The following TMEFF1 variants were observed in gnomAD, a reference collection of about 807,000 sequenced individuals.
The protein encoded by TMEFF1 is tomoregulin-1.
A neutral mutation model predicts 47.5 loss-of-function variants in TMEFF1; 20 were observed. The ratio of observed to expected loss-of-function variants is 0.42; its 90% CI spans 0.30 to 0.61. The LOEUF (loss-of-function observed/expected upper bound fraction) is 0.61. Among genes scored for constraint, TMEFF1 ranks in the 20% least tolerant of loss-of-function variants. The pLI is 0.19. For missense variants in TMEFF1, 411 were observed against 471.1 expected, an observed-to-expected ratio of 0.87 and a Z score of 1.18; for synonymous variants, 162 against 166.3, an observed-to-expected ratio of 0.97 and a Z score of 0.20.
intron 1 of TMEFF1, among the ~76,000 whole-genome samples, chr9:100,476,986 G>A (rs1349976340): frequency 1.3e-5 from 2 of 152,098 alleles, no homozygotes. Context: ...GTGAGCCACC[G>A]CGCCCGGCCT....
Position 100,569,488 on chromosome 9 carries a change from T to TC in TMEFF1, c.900-3029dup, listed in dbSNP as rs1047419165. 4.6e-5 allele frequency among the ~76,000 whole-genome samples: 7 copies of TC among 152,152 alleles called. 1 individual carries two copies. Among genetic ancestry groups the TC allele is most frequent in the Admixed American group, 4.6e-4 (7 of 15,272 alleles). On this transcript the variant is annotated intron_variant, in intron 8 of 9. Coordinates refer to ENST00000374879, the MANE Select transcript of TMEFF1 (RefSeq NM_003692.5). ...CTTTTTTTTTCCATTTTGTGGCTTG[T>TC]CTTTTCACTTTCTTGATAATGTCCT...
At chr9:100,547,461 A>C (rs545207976) in intron 5 of TMEFF1, among the ~76,000 whole-genome samples, 1 of 152,308 alleles carries the variant, frequency 6.6e-6, no homozygotes, top group East Asian at 1.9e-4. Flanking sequence ...CCATTTTGCT[A>C]TTTAATTAAT....
Position 100,513,339 on chromosome 9 carries a change from T to A in TMEFF1, c.463+6T>A. 6.3e-7 allele frequency: 1 copy of A among 1,595,060 alleles called. No individual in the cohort carries two copies. Among genetic ancestry groups the A allele is most frequent in the Non-Finnish European group, 8.5e-7 (1 of 1,173,112 alleles). On this transcript the variant is annotated splice_donor_region_variant and intron_variant, in intron 4 of 9. Transcript: ENST00000374879. Reference sequence around the variant, plus strand: ...ATCTGGATCTGGAGAAGGAGGTAAGTTTCAAGTACCTCTTAAAGGATATTT... The same window carrying A: ...ATCTGGATCTGGAGAAGGAGGTAAGATTCAAGTACCTCTTAAAGGATATTT...
At chr9:100,483,647 G>C (rs932883648) in intron 1 of TMEFF1, among the ~76,000 whole-genome samples, 2 of 152,082 alleles carry the variant, frequency 1.3e-5, no homozygotes, top group African/African-American at 4.8e-5. Flanking sequence ...TTTTACTTAA[G>C]TTTACTTTAT....
intron 1 of TMEFF1, among the ~76,000 whole-genome samples, chr9:100,478,799 T>C (rs1208290939): frequency 6.6e-6 from 1 of 152,208 alleles, no homozygotes; most frequent in African/African-American, 2.4e-5. Flanking sequence ...GAAATGAAGA[T>C]GATGATGGTC....
chr9:100,488,241 A>G (rs1398444254), intron 1 of TMEFF1, among the ~76,000 whole-genome samples: 1 of 152,180 alleles, frequency 6.6e-6, no homozygotes, highest in Non-Finnish European at 1.5e-5. Flanking sequence ...TTTTTTCACA[A>G]TAGGTCTTAG....
At chr9:100,482,913 A>T (rs771104157) in intron 1 of TMEFF1, among the ~76,000 whole-genome samples, 4 of 152,076 alleles carry the variant, frequency 2.6e-5, no homozygotes, top group Non-Finnish European at 4.4e-5. Context: ...TTTGTATTTG[A>T]AACCTACCCT....
At chr9:100,536,009 G>A (rs1587843350) in intron 5 of TMEFF1, among the ~76,000 whole-genome samples, 1 of 152,132 alleles carries the variant, frequency 6.6e-6, no homozygotes, top group Middle Eastern at 3.4e-3. Flanking sequence ...ATTTAATATA[G>A]TAATTTGGAA....
intron 7 of TMEFF1, among the ~76,000 whole-genome samples, chr9:100,558,412 T>C (rs1838955940): frequency 6.6e-6 from 1 of 151,992 alleles, no homozygotes; most frequent in South Asian, 2.1e-4. Flanking sequence ...TATGGCCTGA[T>C]TGGGAATGTA....
intron 7 of TMEFF1, among the ~76,000 whole-genome samples, chr9:100,551,155 T>A (rs1414773761): frequency 6.6e-6 from 1 of 152,238 alleles, no homozygotes; most frequent in Non-Finnish European, 1.5e-5. Flanking sequence ...AGATATGTGA[T>A]CTATCTTTTA....
chr9:100,513,395 T>C, intron 4 of TMEFF1, 62 bp downstream of exon 4: 1 of 915,352 alleles, frequency 1.1e-6, no homozygotes, highest in Non-Finnish European at 1.5e-6. Context: ...TTCTTTTTCT[T>C]TTTTTTTTTT....
At chr9:100,513,951 A>C (rs186043026) in intron 4 of TMEFF1, among the ~76,000 whole-genome samples, 3 of 152,310 alleles carry the variant, frequency 2.0e-5, no homozygotes, top group Non-Finnish European at 4.4e-5. Flanking sequence ...TATATGAATT[A>C]TTTCTGTTGT....
In TMEFF1 at chr9:100,507,051, G is replaced by A. The variant is rs185595962; in HGVS notation, c.307-1954G>A. Among the ~76,000 whole-genome samples, 15 of 152,222 alleles carry A rather than the reference G, an allele frequency of 9.9e-5. No homozygotes were observed. In the East Asian group the frequency reaches 2.9e-3, roughly 29 times the overall value. Reference sequence around the variant, plus strand: ...TCTCCCCACTGTAGTAGTGTCCAGTGTCTGTTGTTCCCATCTTTATGTCCA... The same window carrying A: ...TCTCCCCACTGTAGTAGTGTCCAGTATCTGTTGTTCCCATCTTTATGTCCA... On this transcript the variant is annotated intron_variant, in intron 2 of 9. Coordinates refer to ENST00000374879, the MANE Select transcript of TMEFF1 (RefSeq NM_003692.5).
chr9:100,559,327 T>A (rs1469492736), intron 7 of TMEFF1, among the ~76,000 whole-genome samples: 2 of 152,150 alleles, frequency 1.3e-5, no homozygotes, highest in Non-Finnish European at 2.9e-5. Flanking sequence ...AGAATATGTT[T>A]TCATTTTTGT....
intron 5 of TMEFF1, among the ~76,000 whole-genome samples, chr9:100,542,337 C>T (rs1838649046): frequency 6.6e-6 from 1 of 152,140 alleles, no homozygotes; most frequent in Non-Finnish European, 1.5e-5. Flanking sequence ...CCACACAGAG[C>T]ACTGTTGTTC....
rs552654914 is a variant in TMEFF1, at chr9:100,486,540, C to T, written c.197-12225C>T. On this transcript the variant is annotated intron_variant, in intron 1 of 9. Coordinates refer to ENST00000374879, the MANE Select transcript of TMEFF1 (RefSeq NM_003692.5). ...TACAGGCGTGAGCCACAGCACCCGG[C>T]CTGAACTTTTAAAAAAATATTCATG... is the stretch of plus-strand genomic sequence containing the variant. Among the ~76,000 whole-genome samples, 221 of 152,300 alleles carry T rather than the reference C, an allele frequency of 1.5e-3. 1 individual carries two copies. The highest frequency in any genetic ancestry group is 5.1e-3 in the African/African-American group (214 of 41,568).
At chr9:100,479,013 T>C (rs1257112487) in intron 1 of TMEFF1, among the ~76,000 whole-genome samples, 3 of 152,172 alleles carry the variant, frequency 2.0e-5, no homozygotes, top group Non-Finnish European at 4.4e-5. Context: ...GTAGGAATGG[T>C]ATTAATGGAC....
chr9:100,516,865 C>T (rs915195507), intron 5 of TMEFF1, 94 bp downstream of exon 5: 51 of 1,431,580 alleles, frequency 3.6e-5, no homozygotes, highest in South Asian at 1.4e-4. Flanking sequence ...GGTTCTGTAT[C>T]TTTTGTGTGT....
chr9:100,509,014 A>T lies in TMEFF1; in HGVS notation c.316A>T (p.Asn106Tyr), dbSNP rs779453784. The change falls in exon 3 of 10, where the codon AAT becomes TAT. Residue 106 changes from asparagine to tyrosine, a missense_variant. Coordinates refer to ENST00000374879, the MANE Select transcript of TMEFF1 (RefSeq NM_003692.5). ...TTTGTTGCTTTTGCAGTGCCATACA[A>T]ATTATATTCCTGTCTGTGGATCAAA... ...KCACQFQCHT[N>Y]YIPVCGSNGD... 6.3e-7 allele frequency: 1 copy of T among 1,588,000 alleles called. No individual in the cohort carries two copies. Among genetic ancestry groups the T allele is most frequent in the South Asian group, 1.2e-5 (1 of 85,296 alleles).
Sources: gnomAD v4.1 joint callset for allele counts (sites outside exome capture counted in the v4.1 genomes callset) on GRCh38, gnomAD v4.1.1 for gene constraint, MANE v1.5 for transcripts, NCBI Gene and HGNC (gene_info 2026-07-23, HGNC 2026-07-21) for gene names.